Variants in LEF1 observed in about 807,000 individuals in gnomAD.
LEF1 encodes lymphoid enhancer-binding factor 1.
In LEF1, 14 loss-of-function variants were observed where a neutral mutation model predicts 51.2. The observed-to-expected ratio is 0.27, with a 90% CI of 0.18 to 0.43. The LOEUF (loss-of-function observed/expected upper bound fraction) is 0.43. Ranked by LOEUF, LEF1 falls within the 20% of genes least tolerant of loss-of-function variation. LEF1 has a pLI of 1.00. For synonymous variants in LEF1, 185 were observed against 183.2 expected, an observed-to-expected ratio of 1.01 and a Z score of -0.08; for missense variants, 386 against 512.0, an observed-to-expected ratio of 0.75 and a Z score of 2.37.
At chr4:108,149,040 T>C (rs1439945568) in intron 3 of LEF1, among the ~76,000 whole-genome samples, 1 of 152,226 alleles carries the variant, frequency 6.6e-6, no homozygotes, top group Non-Finnish European at 1.5e-5. Context: ...AAGAAACAGA[T>C]ACATGATGTT....
chr4:108,076,123 T>C (rs918230220), intron 8 of LEF1, among the ~76,000 whole-genome samples: 3 of 152,184 alleles, frequency 2.0e-5, no homozygotes, highest in African/African-American at 7.2e-5. Flanking sequence ...CTCTACTTAC[T>C]CTCACATCTC....
At chr4:108,062,895 T>C (rs2126265314) in intron 11 of LEF1, among the ~76,000 whole-genome samples, 1 of 152,330 alleles carries the variant, frequency 6.6e-6, no homozygotes, top group Admixed American at 6.5e-5. Flanking sequence ...GTACACACCC[T>C]GCTAATTTAA....
chr4:108,120,375 G>C (rs922481287), intron 3 of LEF1, among the ~76,000 whole-genome samples: 5 of 152,142 alleles, frequency 3.3e-5, no homozygotes, highest in Non-Finnish European at 7.3e-5. Context: ...TGGCTTAATA[G>C]AAGACAACTA....
chr4:108,066,051 T>C (rs996362730), intron 9 of LEF1, among the ~76,000 whole-genome samples: 1 of 152,186 alleles, frequency 6.6e-6, no homozygotes, highest in African/African-American at 2.4e-5. Flanking sequence ...TATAGGCGCA[T>C]GCTACCATGC....
chr4:108,106,191 C>T (rs1217428934), intron 3 of LEF1, among the ~76,000 whole-genome samples: 4 of 152,184 alleles, frequency 2.6e-5, no homozygotes, highest in African/African-American at 9.7e-5. Context: ...TGTTAAGGTG[C>T]TATCCCAAGG....
intron 3 of LEF1, among the ~76,000 whole-genome samples, chr4:108,097,000 A>G (rs1740437452): frequency 6.6e-6 from 1 of 152,224 alleles, no homozygotes; most frequent in African/African-American, 2.4e-5. Flanking sequence ...TGGAAATGTA[A>G]ATTAATATGA....
intron 7 of LEF1, among the ~76,000 whole-genome samples, chr4:108,079,218 A>G (rs1205536342): frequency 2.3e-5 from 1 of 43,672 alleles, no homozygotes; most frequent in Non-Finnish European, 7.7e-5. Context: ...TAAACAGCTG[A>G]AGAGTCTCGA....
At chr4:108,087,723 TC>T (rs1221277721) in intron 4 of LEF1, among the ~76,000 whole-genome samples, 1 of 152,202 alleles carries the variant, frequency 6.6e-6, no homozygotes, top group Non-Finnish European at 1.5e-5. Context: ...CTAAATAGGT[TC>T]CCAGATGTGC....
At chr4:108,138,753 C>G (rs775318538) in intron 3 of LEF1, among the ~76,000 whole-genome samples, 4 of 152,196 alleles carry the variant, frequency 2.6e-5, no homozygotes, top group Non-Finnish European at 4.4e-5. Flanking sequence ...AATAGAAGAG[C>G]TGAGAATTTA....
At chr4:108,129,093 T>C (rs1220769440) in intron 3 of LEF1, among the ~76,000 whole-genome samples, 1 of 152,212 alleles carries the variant, frequency 6.6e-6, no homozygotes, top group Admixed American at 6.5e-5. Flanking sequence ...ACATCCCTTC[T>C]GCTTCTATTC....
At chr4:108,073,838 T>TC (rs1738664733) in intron 8 of LEF1, among the ~76,000 whole-genome samples, 2 of 150,480 alleles carry the variant, frequency 1.3e-5, no homozygotes, top group Non-Finnish European at 3.0e-5. Context: ...CCCCCCTTTT[T>TC]TTTTTGAGAC....
At position 108,133,099 on chromosome 4, in the gene LEF1, G is replaced by A. The variant is rs561754505; in HGVS notation, c.414+30469C>T. On this transcript the variant is annotated intron_variant, in intron 3 of 11. Coordinates refer to ENST00000265165, the MANE Select transcript of LEF1 (RefSeq NM_016269.5). ...AGCGCTTCTCCTGCCTCAGCCTCCC[G>A]AGTAGCTGGGATTACAGCCACACAC... Among the ~76,000 whole-genome samples, 18 of 151,984 alleles carry A rather than the reference G, an allele frequency of 1.2e-4. 1 individual carries two copies. The highest frequency in any genetic ancestry group is 5.9e-4 in the Admixed American group (9 of 15,272).
chr4:108,141,646 G>A (rs1362373158), intron 3 of LEF1, among the ~76,000 whole-genome samples: 1 of 152,164 alleles, frequency 6.6e-6, no homozygotes, highest in African/African-American at 2.4e-5. Context: ...AGCCTTTGAA[G>A]AGATCAAAGC....
At chr4:108,084,406 G>A (rs1002713739) in intron 4 of LEF1, among the ~76,000 whole-genome samples, 10 of 152,224 alleles carry the variant, frequency 6.6e-5, no homozygotes. Flanking sequence ...TTTAGTGACT[G>A]TAAATATTAT....
chr4:108,064,655 TCACACACACACACA>T (rs59828005), intron 9 of LEF1, among the ~76,000 whole-genome samples: 3 of 127,810 alleles, frequency 2.3e-5, no homozygotes, highest in Admixed American at 1.9e-4. Context: ...TCTCTCTCAC[TCACACACACACACA>T]CACACACACA....
At chr4:108,094,607 G>T (rs1740258773) in intron 3 of LEF1, among the ~76,000 whole-genome samples, 1 of 152,200 alleles carries the variant, frequency 6.6e-6, no homozygotes, top group African/African-American at 2.4e-5. Context: ...AGTAACTGGG[G>T]GAGAAACCTG....
At position 108,079,477 on chromosome 4, in the gene LEF1, CG is replaced by C; in HGVS notation, c.845+14del. On this transcript the variant is annotated intron_variant, in intron 7 of 11. Transcript: ENST00000265165. ...ATCCTAAGGCAATCACAGCAGAGCC[CG>C]GGTGGATACTTACACGTGCATTAGG... The C allele has an allele frequency of 6.2e-7, 1 of 1,613,818 alleles. No individual in the cohort carries two copies. Among genetic ancestry groups the C allele is most frequent in the Non-Finnish European group, 8.5e-7 (1 of 1,179,868 alleles).
chr4:108,146,091 C>G (rs1743985713), intron 3 of LEF1, among the ~76,000 whole-genome samples: 1 of 152,212 alleles, frequency 6.6e-6, no homozygotes, highest in South Asian at 2.1e-4. Flanking sequence ...TGAATTCCTC[C>G]TATCCCAATT....
At chr4:108,085,985 T>C (rs575284838) in intron 4 of LEF1, among the ~76,000 whole-genome samples, 12 of 152,340 alleles carry the variant, frequency 7.9e-5, no homozygotes, top group African/African-American at 2.4e-4. Context: ...TTCTGACCAA[T>C]TGAACAAACA....
Sources: gnomAD v4.1 joint callset for allele counts (sites outside exome capture counted in the v4.1 genomes callset) on GRCh38, gnomAD v4.1.1 for gene constraint, MANE v1.5 for transcripts, NCBI Gene and HGNC (gene_info 2026-07-23, HGNC 2026-07-21) for gene names.